The following PARVB variants were observed in gnomAD, a reference collection of about 807,000 sequenced individuals.
The protein encoded by PARVB is parvin beta, also known as beta-parvin.
A neutral mutation model predicts 47.0 loss-of-function variants in PARVB; 46 were observed. The ratio of observed to expected loss-of-function variants is 0.98; its 90% CI spans 0.77 to 1.25. The LOEUF (loss-of-function observed/expected upper bound fraction) is 1.25. Ranked by LOEUF, PARVB falls within the 50% of genes most tolerant of loss-of-function variation. The pLI, the probability that PARVB is intolerant of heterozygous loss-of-function variation, is 0.00. For synonymous variants in PARVB, 196 were observed against 196.3 expected (o/e 1.00, Z 0.01); for missense variants, 473 against 471.6 (o/e 1.00, Z -0.03).
intron 1 of PARVB, among the ~76,000 whole-genome samples, chr22:44,091,628 C>A (rs1238805114): frequency 6.6e-6 from 1 of 152,166 alleles, no homozygotes; most frequent in Non-Finnish European, 1.5e-5. Context: ...TCAAGGTTCA[C>A]CCATGCGGTA....
Position 44,040,866 on chromosome 22 carries a change from G to A in PARVB, c.112+16415G>A, listed in dbSNP as rs1028101522. ...AAAATACAAAAAATTAGCCGGGCGT[G>A]GTGGCAGGCGCCTGTAGTCCCAGCT... On this transcript the variant is annotated intron_variant, in intron 1 of 12. Coordinates refer to ENST00000338758, the MANE Select transcript of PARVB (RefSeq NM_013327.5). 1.6e-4 allele frequency among the ~76,000 whole-genome samples: 24 copies of A among 152,118 alleles called. 1 individual carries two copies. The highest frequency in any genetic ancestry group is 1.3e-3 in the Admixed American group (20 of 15,266).
intron 2 of PARVB, among the ~76,000 whole-genome samples, chr22:44,015,481 C>A (rs1368328482): frequency 2.0e-5 from 3 of 152,134 alleles, no homozygotes; most frequent in Admixed American, 6.6e-5. Context: ...AATAAAGAAA[C>A]GAACAACATG....
intron 1 of PARVB, among the ~76,000 whole-genome samples, chr22:44,043,322 A>G (rs2051052626): frequency 6.6e-6 from 1 of 152,170 alleles, no homozygotes; most frequent in Admixed American, 6.5e-5. Context: ...GACAATGGTG[A>G]TGGTTACACA....
At chr22:44,046,658 C>T (rs1009256647) in intron 1 of PARVB, among the ~76,000 whole-genome samples, 8 of 152,256 alleles carry the variant, frequency 5.3e-5, no homozygotes, top group African/African-American at 1.9e-4. Flanking sequence ...AGTCCCTGGA[C>T]ACACTTGATT....
chr22:44,065,973 T>C (rs1268039570), intron 1 of PARVB, among the ~76,000 whole-genome samples: 1 of 152,144 alleles, frequency 6.6e-6, no homozygotes, highest in Non-Finnish European at 1.5e-5. Context: ...TATAAACGTG[T>C]GTGAAGTATG....
At chr22:44,071,974 T>C (rs1033233157) in intron 1 of PARVB, among the ~76,000 whole-genome samples, 1 of 152,260 alleles carries the variant, frequency 6.6e-6, no homozygotes, top group Non-Finnish European at 1.5e-5. Context: ...GCTTGGATTC[T>C]AACACCCTCC....
At chr22:44,013,217 C>G (rs2050541584) in intron 2 of PARVB, among the ~76,000 whole-genome samples, 1 of 152,274 alleles carries the variant, frequency 6.6e-6, no homozygotes, top group East Asian at 1.9e-4. Context: ...TTTTAAGACC[C>G]TCTTTAAGCA....
intron 11 of PARVB, among the ~76,000 whole-genome samples, chr22:44,159,606 C>T (rs891648442): frequency 6.6e-6 from 1 of 152,200 alleles, no homozygotes; most frequent in African/African-American, 2.4e-5. Context: ...CACTCTCCTT[C>T]GGAGGATGGG....
At chr22:44,058,978 G>T (rs999131185) in intron 1 of PARVB, among the ~76,000 whole-genome samples, 1 of 130,896 alleles carries the variant, frequency 7.6e-6, no homozygotes. Context: ...ATGAGGGTGT[G>T]ATGGGGGGGG....
At chr22:44,045,952 G>A (rs950474858) in intron 1 of PARVB, among the ~76,000 whole-genome samples, 2 of 152,172 alleles carry the variant, frequency 1.3e-5, no homozygotes, top group African/African-American at 4.8e-5. Flanking sequence ...TTTCTGCAAC[G>A]AGCCACCATT....
At chr22:44,072,247 C>G (rs2051672089) in intron 1 of PARVB, among the ~76,000 whole-genome samples, 1 of 152,152 alleles carries the variant, frequency 6.6e-6, no homozygotes, top group Admixed American at 6.5e-5. Context: ...GCGAGCTCAT[C>G]ATGAGGCCCC....
rs140423783 is a variant in PARVB, at chr22:44,094,393, C to T, written c.202+376C>T. On this transcript the variant is annotated intron_variant, in intron 2 of 12. Coordinates refer to ENST00000338758, the MANE Select transcript of PARVB (RefSeq NM_013327.5). ...CGCCACGCCACACCATGCCAAGCCA[C>T]GCCACACCATAGCACACCATGCCAC... Among the ~76,000 whole-genome samples the T allele has an allele frequency of 6.8e-3, 1,036 of 152,098 alleles. 14 individuals are homozygous for T. The highest frequency in any genetic ancestry group is 0.024 in the African/African-American group (988 of 41,472).
chr22:44,146,722 C>G (rs2053693508), intron 8 of PARVB: 1 of 152,430 alleles, frequency 6.6e-6, no homozygotes, highest in Admixed American at 6.5e-5. Context: ...AGGAGGCTCC[C>G]CTAGGCCACC....
At chr22:44,002,031 G>A (rs2050418393) in intron 2 of PARVB, among the ~76,000 whole-genome samples, 1 of 152,146 alleles carries the variant, frequency 6.6e-6, no homozygotes, top group Admixed American at 6.5e-5. Flanking sequence ...GCACAGTGGC[G>A]AAGAATACAA....
chr22:44,023,775 G>A (rs1436103966), upstream of PARVB, among the ~76,000 whole-genome samples: 1 of 151,994 alleles, frequency 6.6e-6, no homozygotes, highest in Non-Finnish European at 1.5e-5. Context: ...GGGCCTCCCC[G>A]TCGCCTCTTC....
At chr22:44,167,322 A>G (rs1162544382) in intron 12 of PARVB, among the ~76,000 whole-genome samples, 1 of 152,116 alleles carries the variant, frequency 6.6e-6, no homozygotes, top group Non-Finnish European at 1.5e-5. Context: ...GGTGATTCCT[A>G]TCCCTGGGCG....
chr22:44,090,134 G>C (rs536425628), intron 1 of PARVB, among the ~76,000 whole-genome samples: 3 of 152,166 alleles, frequency 2.0e-5, no homozygotes, highest in Non-Finnish European at 2.9e-5. Flanking sequence ...CTGTGAGGCC[G>C]GTATTCCCAC....
At chr22:44,016,756 G>C (rs1468946390) in intron 2 of PARVB, among the ~76,000 whole-genome samples, 1 of 152,198 alleles carries the variant, frequency 6.6e-6, no homozygotes, top group Non-Finnish European at 1.5e-5. Flanking sequence ...AACCTGTCAT[G>C]TGAGGTCAGG....
Position 44,033,638 on chromosome 22 carries a change from A to G in PARVB, c.112+9187A>G, listed in dbSNP as rs1260069308. Among the ~76,000 whole-genome samples the G allele has an allele frequency of 2.0e-5, 3 of 152,166 alleles. No homozygotes were observed. In the East Asian group the frequency reaches 5.8e-4, roughly 29 times the overall value. On this transcript the variant is annotated intron_variant, in intron 1 of 12. Coordinates refer to ENST00000338758, the MANE Select transcript of PARVB (RefSeq NM_013327.5). ...AACCTTTACCTGCCAGCCACCCACA[A>G]TCAGTCGGTAATGTTGGTTTCCCCA...
Sources: allele counts gnomAD v4.1 joint callset (sites outside exome capture counted in the v4.1 genomes callset), GRCh38; gene constraint gnomAD v4.1.1; transcripts MANE v1.5; gene names NCBI Gene and HGNC (gene_info 2026-07-23, HGNC 2026-07-21).